The following TMEM120B variants were observed in gnomAD, a reference collection of about 807,000 sequenced individuals.
TMEM120B encodes the protein transmembrane protein 120B.
In TMEM120B, 31 loss-of-function variants were observed where a neutral mutation model predicts 55.5. The ratio of observed to expected loss-of-function variants is 0.56; its 90% CI spans 0.42 to 0.75. The LOEUF (loss-of-function observed/expected upper bound fraction) is 0.75. Among genes scored for constraint, TMEM120B ranks in the 30% least tolerant of loss-of-function variants. The pLI, the probability that TMEM120B is intolerant of heterozygous loss-of-function variation, is 0.00. For missense variants in TMEM120B, 399 were observed against 425.5 expected (o/e 0.94, Z 0.55); for synonymous variants, 203 against 176.3 (o/e 1.15, Z -1.20).
At chr12:121,719,299 G>C (rs1295600402) in intron 1 of TMEM120B, among the ~76,000 whole-genome samples, 1 of 152,004 alleles carries the variant, frequency 6.6e-6, no homozygotes, top group Non-Finnish European at 1.5e-5. Context: ...GGGGCTAATA[G>C]AAATTGTTGG....
chr12:121,716,276 C>G (rs937222587), intron 1 of TMEM120B, among the ~76,000 whole-genome samples: 4 of 149,078 alleles, frequency 2.7e-5, no homozygotes, highest in Admixed American at 2.0e-4. Flanking sequence ...CCACTGTACT[C>G]TAGCCTGGGT....
At chr12:121,728,075 T>C (rs943293520) in intron 1 of TMEM120B, among the ~76,000 whole-genome samples, 1 of 151,240 alleles carries the variant, frequency 6.6e-6, no homozygotes, top group African/African-American at 2.4e-5. Context: ...TGGTGTGATC[T>C]CGGTTCACTG....
chr12:121,759,015 G>A (rs1471966932), intron 5 of TMEM120B: 3 of 985,294 alleles, frequency 3.0e-6, no homozygotes, highest in Non-Finnish European at 3.6e-6. Context: ...ATGGCCCACT[G>A]GGATTTTTTT....
chr12:121,748,537 G>C (rs1040345681), intron 3 of TMEM120B, 95 bp downstream of exon 3: 23 of 800,112 alleles, frequency 2.9e-5, no homozygotes, highest in Middle Eastern at 2.4e-4. Context: ...CTGGTGCTCA[G>C]ATTGAAGGGG....
intron 9 of TMEM120B, among the ~76,000 whole-genome samples, chr12:121,774,049 G>A (rs543455779): frequency 1.6e-4 from 23 of 146,124 alleles, no homozygotes; most frequent in African/African-American, 2.3e-4. Context: ...TCCGCCTCCC[G>A]GGTTCAAGTG....
chr12:121,752,784 A>G (rs1002026647), intron 5 of TMEM120B, among the ~76,000 whole-genome samples: 6 of 151,870 alleles, frequency 4.0e-5, no homozygotes, highest in Admixed American at 3.9e-4. Context: ...CTATCTGTAC[A>G]GTGGCATATC....
chr12:121,750,239 G>T, intron 3 of TMEM120B, 141 bp from the exon 4 acceptor site: 1 of 748,492 alleles, frequency 1.3e-6, no homozygotes, highest in East Asian at 2.5e-5. Flanking sequence ...CGATGTGGGG[G>T]CCCATTTGCC....
rs1234509230 is a variant in TMEM120B at position 121,772,077 on chromosome 12, CTT to C, written c.679+530_679+531del. 6.4e-5 allele frequency among the ~76,000 whole-genome samples: 9 copies of C among 140,410 alleles called. No individual in the cohort carries two copies. The East Asian group carries it at 1.4e-3, about 22-fold the overall frequency. The allele number at this position is 140,410 out of a possible 152,430, so 92.1% of individuals were successfully genotyped here. A position where few individuals can be genotyped will look rare whatever the true frequency, so the allele number is the denominator to read the frequency against. On this transcript the variant is annotated intron_variant, in intron 8 of 11. Coordinates refer to ENST00000449592, the MANE Select transcript of TMEM120B (RefSeq NM_001080825.2). ...TCTTTTTCTTCCTTTCTTTTTCTTT[CTT>C]TCTCTTTCTCTCTCTCTCTCTTTCT...
chr12:121,728,816 A>T (rs989705998), intron 1 of TMEM120B, among the ~76,000 whole-genome samples: 1 of 152,188 alleles, frequency 6.6e-6, no homozygotes, highest in African/African-American at 2.4e-5. Flanking sequence ...AACTGGGTTC[A>T]TTCTCAGGCT....
Position 121,780,840 on chromosome 12 carries a change from G to A in TMEM120B, c.*5118G>A, listed in dbSNP as rs531030710. 35 of 1,600,230 alleles carry A rather than the reference G, an allele frequency of 2.2e-5. No homozygotes were observed. Among genetic ancestry groups the A allele is most frequent in the South Asian group, 6.7e-5 (6 of 89,330 alleles). ...AAGGTCCGGGAGGCTTCACAGCCAC[G>A]GCTGTGCCCCAGGGTCTTGGCCCCG... is the stretch of plus-strand genomic sequence containing the variant. On this transcript the variant is annotated 3_prime_UTR_variant, in exon 12 of 12. Transcript: ENST00000449592.
At chr12:121,743,819 C>A in intron 2 of TMEM120B, 72 bp downstream of exon 2, 1 of 1,115,834 alleles carries the variant, frequency 9.0e-7, no homozygotes, top group Non-Finnish European at 1.3e-6. Flanking sequence ...CAGGCTGAAG[C>A]AGAGAATGGA....
At chr12:121,724,162 A>G (rs1420336292) in intron 1 of TMEM120B, among the ~76,000 whole-genome samples, 2 of 146,594 alleles carry the variant, frequency 1.4e-5, no homozygotes, top group Admixed American at 7.2e-5. Flanking sequence ...CTCAGCCTCC[A>G]TAGTAGCTGG....
At position 121,773,481 on chromosome 12, in the gene TMEM120B, T is replaced by TG; in HGVS notation, c.745dup (p.Glu249GlyfsTer43). On this transcript the variant is annotated frameshift_variant, in exon 9 of 12. Coordinates refer to ENST00000449592, the MANE Select transcript of TMEM120B (RefSeq NM_001080825.2). LOFTEE classifies it high-confidence loss of function. ...GGCTGCCTCTACCGGCTGCGGGCCC[T>TG]GGGGGAGAGGAACCACCTGGATCTC... 6.2e-7 allele frequency: 1 copy of TG among 1,606,456 alleles called. No individual in the cohort carries two copies. Among genetic ancestry groups the TG allele is most frequent in the Non-Finnish European group, 8.5e-7 (1 of 1,176,094 alleles).
At position 121,776,501 on chromosome 12, in the gene TMEM120B, C is replaced by G. The variant is rs772187787; in HGVS notation, c.*779C>G. 8 of 152,248 alleles carry G rather than the reference C, an allele frequency of 5.3e-5. No homozygotes were observed. Among genetic ancestry groups the G allele is most frequent in the Non-Finnish European group, 8.8e-5 (6 of 68,072 alleles). 9.4% of individuals were successfully genotyped at this position (152,248 alleles called of 1,614,324 possible). A position where few individuals can be genotyped will look rare whatever the true frequency, so the allele number is the denominator to read the frequency against. On this transcript the variant is annotated 3_prime_UTR_variant, in exon 12 of 12. Coordinates refer to ENST00000449592, the MANE Select transcript of TMEM120B (RefSeq NM_001080825.2). The stretch of plus-strand genomic sequence containing the variant: ...CCCTGTGGAGGGGAACCACCTCCCC[C>G]CTCCTTCCCAGAGCTTCTGGATGTT...
intron 2 of TMEM120B, among the ~76,000 whole-genome samples, chr12:121,745,655 G>A (rs1873059863): frequency 6.6e-6 from 1 of 150,966 alleles, no homozygotes; most frequent in Non-Finnish European, 1.5e-5. Context: ...GCCTCCCAAA[G>A]TGCTGAGATT....
chr12:121,746,277 TC>T (rs1483727390), intron 2 of TMEM120B, among the ~76,000 whole-genome samples: 3 of 150,552 alleles, frequency 2.0e-5, no homozygotes, highest in Non-Finnish European at 2.9e-5. Flanking sequence ...AACCTCTGCC[TC>T]CCGGGTTCAA....
In TMEM120B at chr12:121,777,273, C is replaced by T. The variant is rs1182255488; in HGVS notation, c.*1551C>T. The T allele has an allele frequency of 1.3e-5, 2 of 151,524 alleles. No individual in the cohort carries two copies. The highest frequency in any genetic ancestry group is 2.9e-5 in the Non-Finnish European group (2 of 67,924). The allele number at this position is 151,524 out of a possible 1,614,324, so 9.4% of individuals were successfully genotyped here. On this transcript the variant is annotated 3_prime_UTR_variant, in exon 12 of 12. Coordinates refer to ENST00000449592, the MANE Select transcript of TMEM120B (RefSeq NM_001080825.2). Reference sequence around the variant, plus strand: ...GTGTGAGCCACCATGCCTGGTCACCCTGCTACTTTTTAATACTTTTTAGTA... The same window carrying T: ...GTGTGAGCCACCATGCCTGGTCACCTTGCTACTTTTTAATACTTTTTAGTA...
chr12:121,771,422 G>C, intron 7 of TMEM120B, 66 bp from the exon 8 acceptor site: 1 of 1,376,392 alleles, frequency 7.3e-7, no homozygotes, highest in Non-Finnish European at 1.0e-6. Context: ...GAATGGAGTT[G>C]GGGCGGGGAG....
chr12:121,753,939 C>T (rs965639763), intron 5 of TMEM120B, among the ~76,000 whole-genome samples: 1 of 152,208 alleles, frequency 6.6e-6, no homozygotes, highest in African/African-American at 2.4e-5. Flanking sequence ...TGGTACCGTC[C>T]AAGTGCAGCA....
Sources: gnomAD v4.1 joint callset for allele counts (sites outside exome capture counted in the v4.1 genomes callset) on GRCh38, gnomAD v4.1.1 for gene constraint, MANE v1.5 for transcripts, NCBI Gene and HGNC (gene_info 2026-07-23, HGNC 2026-07-21) for gene names.